The following TIPIN variants were observed in gnomAD, a reference collection of about 807,000 sequenced individuals.
TIPIN encodes TIMELESS interacting protein.
Under a neutral mutation model 35.6 loss-of-function variants are expected in TIPIN, and 29 were observed. The ratio of observed to expected loss-of-function variants is 0.82; its 90% CI spans 0.61 to 1.11. The LOEUF is 1.11. Ranked by LOEUF, TIPIN falls within the 50% of genes most tolerant of loss-of-function variation. TIPIN has a pLI of 0.00. For synonymous variants in TIPIN, 102 were observed against 121.5 expected (o/e 0.84, Z 1.06); for missense variants, 296 against 345.4 (o/e 0.86, Z 1.13).
intron 1 of TIPIN, among the ~76,000 whole-genome samples, chr15:66,384,588 C>T (rs1296813794): frequency 6.6e-6 from 1 of 152,078 alleles, no homozygotes; most frequent in South Asian, 2.1e-4. Context: ...GCCGCCACTG[C>T]ATCCACCCAG....
At chr15:66,353,922 C>T (rs1437390101) in intron 1 of TIPIN, among the ~76,000 whole-genome samples, 1 of 151,966 alleles carries the variant, frequency 6.6e-6, no homozygotes, top group Non-Finnish European at 1.5e-5. Context: ...AGTTCGAGAC[C>T]AGCCTGGCCA....
At chr15:66,359,713 G>A (rs755933748), upstream of TIPIN, among the ~76,000 whole-genome samples, 17 of 152,026 alleles carry the variant, frequency 1.1e-4, no homozygotes, top group Non-Finnish European at 1.8e-4. Flanking sequence ...GAGACAAGAG[G>A]CATTCTTTTA....
At chr15:66,363,105 C>T (rs945361363) in intron 1 of TIPIN, among the ~76,000 whole-genome samples, 2 of 152,164 alleles carry the variant, frequency 1.3e-5, no homozygotes, top group Non-Finnish European at 2.9e-5. Context: ...AGACTGGGTG[C>T]GGTGGTTCAC....
chr15:66,379,766 C>G, intron 1 of TIPIN: 2 of 1,601,832 alleles, frequency 1.2e-6, no homozygotes, highest in Non-Finnish European at 1.7e-6. Context: ...CTTTTTTTTT[C>G]TTTCCAAGAA....
At chr15:66,369,994 CA>C (rs2093272116) in intron 1 of TIPIN, among the ~76,000 whole-genome samples, 2 of 152,080 alleles carry the variant, frequency 1.3e-5, no homozygotes, top group Non-Finnish European at 2.9e-5. Flanking sequence ...CAAAAAACCC[CA>C]ATTATGACAT....
chr15:66,373,480 G>A (rs1446605835), intron 1 of TIPIN, among the ~76,000 whole-genome samples: 6 of 146,072 alleles, frequency 4.1e-5, no homozygotes, highest in South Asian at 2.1e-4. Context: ...GCGACAGAGC[G>A]AGACTCCGTC....
In TIPIN at chr15:66,349,384, T is replaced by C. The variant is rs776059266; in HGVS notation, c.342A>G (p.Leu114=). 4.3e-6 allele frequency: 7 copies of C among 1,614,002 alleles called. No homozygotes were observed. Among genetic ancestry groups the C allele is most frequent in the African/African-American group, 2.7e-5 (2 of 74,936 alleles). ...IRHMEHWAHR[L]FPKLQFEDFI... ...AATCCTCAAACTGCAGTTTAGGGAA[T>C]AGCCTATGTGCCCAGTGCTCCATGT... Residue 114 remains leucine (L), a synonymous_variant, in exon 5 of 8, where the codon CTA becomes CTG. Coordinates refer to ENST00000261881, the MANE Select transcript of TIPIN (RefSeq NM_017858.3).
At chr15:66,382,314 C>T in intron 1 of TIPIN, 1 of 982,882 alleles carries the variant, frequency 1.0e-6, no homozygotes, top group Admixed American at 6.2e-5. Flanking sequence ...CAAGTTGATG[C>T]TTTTTTGTTT....
intron 1 of TIPIN, among the ~76,000 whole-genome samples, chr15:66,375,651 CA>C (rs2093294055): frequency 6.7e-6 from 1 of 150,028 alleles, no homozygotes; most frequent in South Asian, 2.1e-4. Flanking sequence ...CCAACCTGGC[CA>C]AAATGGTGAA....
intron 7 of TIPIN, among the ~76,000 whole-genome samples, chr15:66,340,509 G>T (rs1267596338): frequency 6.6e-6 from 1 of 151,702 alleles, no homozygotes; most frequent in Admixed American, 6.6e-5. Flanking sequence ...TATAATTATT[G>T]TCCTAAAGGT....
chr15:66,358,002 A>T (rs906523548), upstream of TIPIN, among the ~76,000 whole-genome samples: 1 of 152,174 alleles, frequency 6.6e-6, no homozygotes, highest in Non-Finnish European at 1.5e-5. Flanking sequence ...TCATGCCTGT[A>T]ATCTTAGCAC....
At chr15:66,337,282 C>A in intron 7 of TIPIN, 101 bp from the exon 8 acceptor site, 1 of 769,656 alleles carries the variant, frequency 1.3e-6, no homozygotes, top group Non-Finnish European at 2.0e-6. Flanking sequence ...AAAATGAAGT[C>A]TAAGATCACT....
At chr15:66,343,212 T>C (rs2093100420) in intron 6 of TIPIN, among the ~76,000 whole-genome samples, 2 of 152,096 alleles carry the variant, frequency 1.3e-5, no homozygotes, top group South Asian at 4.1e-4. Flanking sequence ...ACAAAATGCC[T>C]GTAGGTAGAA....
At chr15:66,383,403 C>T (rs1463470897) in intron 1 of TIPIN, 1 of 165,180 alleles carries the variant, frequency 6.1e-6, no homozygotes, top group Non-Finnish European at 1.2e-5. Context: ...GCTGGGACTA[C>T]AGGCACCCGC....
exon 1 of TIPIN, chr15:66,386,667 T>G: frequency 5.6e-6 from 1 of 178,912 alleles, no homozygotes. Context: ...CGACACAGAC[T>G]TCTTCTCAGC....
At chr15:66,347,421 A>G (rs1037357944) in intron 6 of TIPIN, 34 of 400,766 alleles carry the variant, frequency 8.5e-5, no homozygotes, top group Non-Finnish European at 1.6e-4. Flanking sequence ...TATTTTGCCT[A>G]ATTTCCCAGT....
intron 1 of TIPIN, among the ~76,000 whole-genome samples, chr15:66,355,499 C>A (rs1005948285): frequency 5.9e-5 from 9 of 151,758 alleles, no homozygotes; most frequent in African/African-American, 1.9e-4. Context: ...CCGGTAATCC[C>A]AGCACTATGG....
chr15:66,374,133 G>T (rs899203835), intron 1 of TIPIN, among the ~76,000 whole-genome samples: 1 of 151,934 alleles, frequency 6.6e-6, no homozygotes, highest in South Asian at 2.1e-4. Context: ...ACAGGATCTT[G>T]CTATGTTGCC....
At chr15:66,369,567 C>G (rs1187170282) in intron 1 of TIPIN, among the ~76,000 whole-genome samples, 6 of 152,010 alleles carry the variant, frequency 3.9e-5, no homozygotes. Flanking sequence ...CCAGGATGGT[C>G]TCGATCTCCA....
Sources: allele counts gnomAD v4.1 joint callset (sites outside exome capture counted in the v4.1 genomes callset), GRCh38; gene constraint gnomAD v4.1.1; transcripts MANE v1.5; gene names NCBI Gene and HGNC (gene_info 2026-07-23, HGNC 2026-07-21).